Variants in ZBTB7C observed in about 807,000 individuals in gnomAD.
The protein encoded by ZBTB7C is zinc finger and BTB domain-containing protein 7C.
ZBTB7C carries 8 observed loss-of-function variants against 25.7 expected under a neutral mutation model. The observed-to-expected ratio is 0.31, with a 90% CI of 0.18 to 0.56. The LOEUF is 0.56. Among genes scored for constraint, ZBTB7C ranks in the 20% least tolerant of loss-of-function variants. ZBTB7C has a pLI of 0.91. For synonymous variants in ZBTB7C, 394 were observed against 369.0 expected, an observed-to-expected ratio of 1.07 and a Z score of -0.78; for missense variants, 824 against 855.2, an observed-to-expected ratio of 0.96 and a Z score of 0.46.
At chr18:48,403,714 T>C (rs2048213188) in intron 1 of ZBTB7C, among the ~76,000 whole-genome samples, 1 of 152,086 alleles carries the variant, frequency 6.6e-6, no homozygotes, top group Admixed American at 6.5e-5. Flanking sequence ...AGACTGCACA[T>C]TGGGTACAGT....
rs144580606 is a variant in ZBTB7C, at chr18:48,077,265, G to A, written c.-16-36142C>T. Among the ~76,000 whole-genome samples, 258 of 151,940 alleles carry A rather than the reference G, an allele frequency of 1.7e-3. 2 individuals are homozygous for A. The highest frequency in any genetic ancestry group is 5.2e-3 in the African/African-American group (217 of 41,420). On this transcript the variant is annotated intron_variant, in intron 3 of 4. Transcript: ENST00000590800. ...TCATGGTGACTATAGTTAATAATAA[G>A]GTATGGTATACTTGAAACTTAAATA...
chr18:48,176,510 A>G (rs1219144127), intron 3 of ZBTB7C, among the ~76,000 whole-genome samples: 1 of 152,200 alleles, frequency 6.6e-6, no homozygotes, highest in African/African-American at 2.4e-5. Context: ...TGTTAAATGT[A>G]TTGGTCAACC....
At chr18:48,253,653 C>T (rs1024574247) in intron 2 of ZBTB7C, among the ~76,000 whole-genome samples, 1 of 152,118 alleles carries the variant, frequency 6.6e-6, no homozygotes, top group Admixed American at 6.5e-5. Context: ...GAGAAAGAAC[C>T]TCAGAGATCT....
At chr18:48,108,455 T>C in intron 3 of ZBTB7C, among the ~76,000 whole-genome samples, 1 of 152,102 alleles carries the variant, frequency 6.6e-6, no homozygotes. Flanking sequence ...GTTTTTGAGA[T>C]AGGGTCTCAC....
chr18:48,135,666 A>C (rs1392073456), intron 3 of ZBTB7C, among the ~76,000 whole-genome samples: 1 of 152,090 alleles, frequency 6.6e-6, no homozygotes, highest in African/African-American at 2.4e-5. Flanking sequence ...GAGAGGATTT[A>C]ACTGGGTGAA....
At chr18:48,353,264 T>C (rs1439136900) in intron 1 of ZBTB7C, among the ~76,000 whole-genome samples, 3 of 152,192 alleles carry the variant, frequency 2.0e-5, no homozygotes, top group African/African-American at 7.2e-5. Context: ...GTGACAGCTA[T>C]GTCCAGGTCT....
chr18:48,268,238 T>G (rs2044370633), intron 2 of ZBTB7C, among the ~76,000 whole-genome samples: 1 of 152,236 alleles, frequency 6.6e-6, no homozygotes. Flanking sequence ...ATTCATTTAT[T>G]AATTTATTCA....
At chr18:48,241,866 C>A (rs1224118891) in intron 2 of ZBTB7C, among the ~76,000 whole-genome samples, 2 of 151,706 alleles carry the variant, frequency 1.3e-5, no homozygotes, top group African/African-American at 4.8e-5. Flanking sequence ...TAGAGCAGAA[C>A]TAAATGACAT....
chr18:48,065,485 A>G (rs1769746127), intron 3 of ZBTB7C, among the ~76,000 whole-genome samples: 2 of 152,340 alleles, frequency 1.3e-5, no homozygotes, highest in South Asian at 4.1e-4. Flanking sequence ...CTGGTGTGAC[A>G]AGCACACCTT....
At position 48,046,887 on chromosome 18, in the gene ZBTB7C, AGC is replaced by A. The variant is rs2036494281; in HGVS notation, c.-16-5766_-16-5765del. ...AACATCATGACCATGAGGAGCCAGAAGCGCAAAGTGGATCTGACGATGGGGAC... is the reference window on the plus strand; with the variant it reads ...AACATCATGACCATGAGGAGCCAGAAGCAAAGTGGATCTGACGATGGGGAC... On this transcript the variant is annotated intron_variant, in intron 3 of 4. Coordinates refer to ENST00000590800, the MANE Select transcript of ZBTB7C (RefSeq NM_001318841.2). Among the ~76,000 whole-genome samples, 3 of 152,246 alleles carry A rather than the reference AGC, an allele frequency of 2.0e-5. No homozygotes were observed. In the South Asian group the frequency reaches 6.2e-4, roughly 31 times the overall value.
At position 48,029,067 on chromosome 18, in the gene ZBTB7C, C is replaced by G. The variant is rs148083491; in HGVS notation, c.*193G>C. On this transcript the variant is annotated 3_prime_UTR_variant, in exon 5 of 5. Transcript: ENST00000590800. ...TCCTGGCCTTTTGGGAAAAGATGCC[C>G]GTCTCAGACCAGCAAAAGGAGGCAG... The G allele has an allele frequency of 1.3e-6, 1 of 795,356 alleles. No individual in the cohort carries two copies. Among genetic ancestry groups the G allele is most frequent in the African/African-American group, 1.9e-5 (1 of 53,792 alleles). 49.3% of individuals were successfully genotyped at this position (795,356 alleles called of 1,614,324 possible). A position where few individuals can be genotyped will look rare whatever the true frequency, so the allele number is the denominator to read the frequency against.
chr18:48,264,143 T>C (rs963301827), intron 2 of ZBTB7C, among the ~76,000 whole-genome samples: 5 of 152,206 alleles, frequency 3.3e-5, no homozygotes, highest in Non-Finnish European at 7.4e-5. Context: ...TGACTGTTAA[T>C]ACCTCCAGTG....
chr18:48,240,723 AAT>A (rs968632572), intron 2 of ZBTB7C, among the ~76,000 whole-genome samples: 25 of 152,322 alleles, frequency 1.6e-4, no homozygotes, highest in African/African-American at 5.8e-4. Context: ...AAAACCTTGA[AAT>A]ACACCAAAAT....
intron 3 of ZBTB7C, among the ~76,000 whole-genome samples, chr18:48,069,444 T>C (rs1442013358): frequency 3.3e-5 from 5 of 152,190 alleles, no homozygotes; most frequent in African/African-American, 1.2e-4. Flanking sequence ...CCTTGAGTTA[T>C]TTCTCCCTTT....
At chr18:48,132,986 G>A (rs185043433) in intron 3 of ZBTB7C, among the ~76,000 whole-genome samples, 72 of 152,318 alleles carry the variant, frequency 4.7e-4, no homozygotes, top group Non-Finnish European at 5.9e-4. Flanking sequence ...TGGAAAAGCC[G>A]ACATAGATCA....
chr18:48,405,177 G>GA (rs1471175898), intron 1 of ZBTB7C, among the ~76,000 whole-genome samples: 3 of 151,192 alleles, frequency 2.0e-5, no homozygotes, highest in Non-Finnish European at 1.5e-5. Context: ...AGTTGTAACT[G>GA]ATGGCATGGC....
chr18:48,145,951 T>G (rs1303008052), intron 3 of ZBTB7C, among the ~76,000 whole-genome samples: 1 of 152,224 alleles, frequency 6.6e-6, no homozygotes, highest in Non-Finnish European at 1.5e-5. Context: ...GTAAGAATAA[T>G]TTAATATTGC....
chr18:48,039,675 T>G (rs376353843), intron 4 of ZBTB7C, among the ~76,000 whole-genome samples: 35 of 152,346 alleles, frequency 2.3e-4, no homozygotes, highest in African/African-American at 7.9e-4. Context: ...CTGCTTCATG[T>G]CATGGGCTTC....
chr18:48,391,870 C>T (rs2047910692), intron 1 of ZBTB7C, among the ~76,000 whole-genome samples: 1 of 152,210 alleles, frequency 6.6e-6, no homozygotes, highest in South Asian at 2.1e-4. Context: ...GCTCACCCAG[C>T]TTGTAGAAAC....
Sources: gnomAD v4.1 joint callset for allele counts (sites outside exome capture counted in the v4.1 genomes callset) on GRCh38, gnomAD v4.1.1 for gene constraint, MANE v1.5 for transcripts, NCBI Gene and HGNC (gene_info 2026-07-23, HGNC 2026-07-21) for gene names.